Variants in DIP2C observed in about 807,000 individuals in gnomAD.
DIP2C encodes the protein disco-interacting protein 2 homolog C.
DIP2C carries 33 observed loss-of-function variants against 192.4 expected under a neutral mutation model. The observed-to-expected ratio is 0.17, with a 90% CI of 0.13 to 0.23. DIP2C has a LOEUF of 0.23. Among genes scored for constraint, DIP2C ranks in the 10% least tolerant of loss-of-function variants. DIP2C has a pLI of 1.00. For synonymous variants in DIP2C, 979 were observed against 864.1 expected, an observed-to-expected ratio of 1.13 and a Z score of -2.33; for missense variants, 1,537 against 2,110.1, an observed-to-expected ratio of 0.73 and a Z score of 5.32.
chr10:557,075 T>C (rs1484473078), intron 1 of DIP2C, among the ~76,000 whole-genome samples: 1 of 152,246 alleles, frequency 6.6e-6, no homozygotes, highest in Non-Finnish European at 1.5e-5. Flanking sequence ...CTGGTCAGTG[T>C]GGCCCACGGG....
At chr10:423,100 C>T (rs763441080) in intron 4 of DIP2C, 67 bp from the exon 5 acceptor site, 153 of 1,415,908 alleles carry the variant, frequency 1.1e-4, no homozygotes, top group Non-Finnish European at 1.3e-4. Flanking sequence ...CTCAGTCCCT[C>T]GCCAAACACA....
chr10:613,152 A>C (rs1853217246), intron 1 of DIP2C, among the ~76,000 whole-genome samples: 1 of 152,224 alleles, frequency 6.6e-6, no homozygotes, highest in African/African-American at 2.4e-5. Flanking sequence ...TTCAGGGGAA[A>C]TTACCAGAGT....
chr10:682,332 A>C (rs1042998140), intron 1 of DIP2C, among the ~76,000 whole-genome samples: 3 of 152,256 alleles, frequency 2.0e-5, no homozygotes, highest in African/African-American at 7.2e-5. Context: ...GTGATTTAAC[A>C]TACCAATTTT....
chr10:297,887 C>CAT (rs1376635535), intron 32 of DIP2C, among the ~76,000 whole-genome samples: 1 of 152,184 alleles, frequency 6.6e-6, no homozygotes, highest in African/African-American at 2.4e-5. Flanking sequence ...TGTATTGAAA[C>CAT]ATATACCCTA....
intron 1 of DIP2C, among the ~76,000 whole-genome samples, chr10:520,105 T>C (rs1033885934): frequency 1.3e-5 from 2 of 152,184 alleles, no homozygotes; most frequent in African/African-American, 2.4e-5. Context: ...AACACTAAAA[T>C]GAACAGGTCA....
At chr10:598,595 C>A (rs978444179) in intron 1 of DIP2C, among the ~76,000 whole-genome samples, 4 of 152,176 alleles carry the variant, frequency 2.6e-5, no homozygotes, top group Admixed American at 6.5e-5. Flanking sequence ...CTCCCCACCC[C>A]CTCCTAGCTT....
intron 1 of DIP2C, among the ~76,000 whole-genome samples, chr10:567,809 T>C (rs1168233082): frequency 2.6e-5 from 4 of 152,072 alleles, no homozygotes; most frequent in South Asian, 2.1e-4. Flanking sequence ...TGCTGATTTT[T>C]AGTTGAGACA....
At chr10:671,240 G>C (rs1260867562) in intron 1 of DIP2C, among the ~76,000 whole-genome samples, 1 of 152,242 alleles carries the variant, frequency 6.6e-6, no homozygotes, top group Non-Finnish European at 1.5e-5. Context: ...AGAGAGAAGC[G>C]ACGGCCTCCA....
intron 2 of DIP2C, chr10:484,998 A>C (rs758859854): frequency 1.3e-6 from 2 of 1,531,016 alleles, no homozygotes; most frequent in Admixed American, 3.9e-5. Context: ...AGTTTTTTTT[A>C]AATTTGTTAC....
chr10:610,217 G>T (rs1477951113), intron 1 of DIP2C, among the ~76,000 whole-genome samples: 1 of 152,192 alleles, frequency 6.6e-6, no homozygotes, highest in Non-Finnish European at 1.5e-5. Flanking sequence ...GCCAAGCACA[G>T]AAAGAAATGG....
intron 1 of DIP2C, among the ~76,000 whole-genome samples, chr10:683,046 C>T (rs779679862): frequency 6.6e-6 from 1 of 152,198 alleles, no homozygotes; most frequent in Non-Finnish European, 1.5e-5. Context: ...TCATGAGTCG[C>T]GCAGCACAAA....
At chr10:312,286 CAATTCCAGAAATCAACTTGGGCA>C (rs1265627461) in intron 31 of DIP2C, among the ~76,000 whole-genome samples, 8 of 152,330 alleles carry the variant, frequency 5.3e-5, no homozygotes, top group African/African-American at 1.9e-4. Flanking sequence ...AGCTGCTGGA[CAATTCCAGAAATCAACTTGGGCA>C]AGCTCCTTGG....
Position 579,456 on chromosome 10 carries a change from A to G in DIP2C, c.86-92926T>C, listed in dbSNP as rs115561586. 3.4e-3 allele frequency among the ~76,000 whole-genome samples: 512 copies of G among 152,066 alleles called. 3 individuals are homozygous for G. Among genetic ancestry groups the G allele is most frequent in the African/African-American group, 0.012 (488 of 41,456 alleles). On this transcript the variant is annotated intron_variant, in intron 1 of 36. Coordinates refer to ENST00000280886, the MANE Select transcript of DIP2C (RefSeq NM_014974.3). Reference sequence around the variant, plus strand: ...CACTATAACACATGTGTACATGCATAGAGCGTACACACATACAGATCCAGT... The same window carrying G: ...CACTATAACACATGTGTACATGCATGGAGCGTACACACATACAGATCCAGT...
chr10:433,404 C>A (rs905659561), intron 4 of DIP2C, among the ~76,000 whole-genome samples: 7 of 152,128 alleles, frequency 4.6e-5, no homozygotes, highest in Non-Finnish European at 7.4e-5. Context: ...GTTGGCTGGG[C>A]AGTGGCTCAT....
chr10:688,979 G>T (rs1002819907), intron 1 of DIP2C, among the ~76,000 whole-genome samples: 5 of 152,192 alleles, frequency 3.3e-5, no homozygotes, highest in African/African-American at 1.2e-4. Context: ...GTTTCGCATT[G>T]AAATCTGGCC....
At chr10:338,939 G>T (rs1164833336) in intron 29 of DIP2C, among the ~76,000 whole-genome samples, 1 of 144,920 alleles carries the variant, frequency 6.9e-6, no homozygotes, top group African/African-American at 2.6e-5. Context: ...ACCCTGCCTG[G>T]CTCCCACAAT....
rs1852407100 is a variant in DIP2C, at chr10:605,659, T to C, written c.85+83835A>G. On this transcript the variant is annotated intron_variant, in intron 1 of 36. Transcript: ENST00000280886. ...CCTGACGCCTGCCTGAACATTTCATTGCCACCTCTGTCTTAGATATTGATC... is the reference window on the plus strand; with the variant it reads ...CCTGACGCCTGCCTGAACATTTCATCGCCACCTCTGTCTTAGATATTGATC... 3.3e-5 allele frequency among the ~76,000 whole-genome samples: 5 copies of C among 152,210 alleles called. No homozygotes were observed. The South Asian group carries it at 1.0e-3, about 32-fold the overall frequency.
At chr10:559,366 G>T (rs537602327) in intron 1 of DIP2C, among the ~76,000 whole-genome samples, 1 of 149,240 alleles carries the variant, frequency 6.7e-6, no homozygotes, top group Admixed American at 6.6e-5. Flanking sequence ...ACACAAGCTC[G>T]GTGTGTCCTA....
intron 3 of DIP2C, among the ~76,000 whole-genome samples, chr10:467,346 A>T (rs1970289967): frequency 7.0e-6 from 1 of 143,846 alleles, no homozygotes; most frequent in Non-Finnish European, 1.5e-5. Flanking sequence ...TCACATGGAC[A>T]CAGGAAGGGG....
Sources: gnomAD v4.1 joint callset for allele counts (sites outside exome capture counted in the v4.1 genomes callset) on GRCh38, gnomAD v4.1.1 for gene constraint, MANE v1.5 for transcripts, NCBI Gene and HGNC (gene_info 2026-07-23, HGNC 2026-07-21) for gene names.